Variants in LNX1 observed in about 807,000 individuals in gnomAD.
LNX1 encodes E3 ubiquitin-protein ligase LNX.
A neutral mutation model predicts 68.4 loss-of-function variants in LNX1; 54 were observed. The ratio of observed to expected loss-of-function variants is 0.79; its 90% CI spans 0.63 to 0.99. LNX1 has a LOEUF of 0.99. LNX1 is among the 50% of genes least tolerant of loss of function. The pLI is 0.00. For missense variants in LNX1, 906 were observed against 926.4 expected, an observed-to-expected ratio of 0.98 and a Z score of 0.29; for synonymous variants, 336 against 350.0, an observed-to-expected ratio of 0.96 and a Z score of 0.45.
Position 53,460,383 on chromosome 4 carries a change from A to T in LNX1, c.*524T>A, listed in dbSNP as rs17657105. 0.13 allele frequency: 23,804 copies of T among 189,276 alleles called. 1,599 individuals are homozygous for T. The highest frequency in any genetic ancestry group is 0.15 in the Non-Finnish European group (13,445 of 90,360). The allele number at this position is 189,276 out of a possible 1,614,324, so 11.7% of individuals were successfully genotyped here. A position where few individuals can be genotyped will look rare whatever the true frequency, so the allele number is the denominator to read the frequency against. On this transcript the variant is annotated 3_prime_UTR_variant, in exon 11 of 11. Coordinates refer to ENST00000263925, the MANE Select transcript of LNX1 (RefSeq NM_001126328.3). ...AAATAACATGGTATTTGAAAGAATAAATTACTAGGATCTTTTAAATAGTGA... is the reference window on the plus strand; with the variant it reads ...AAATAACATGGTATTTGAAAGAATATATTACTAGGATCTTTTAAATAGTGA...
At chr4:53,479,115 G>A (rs1723753396) in intron 7 of LNX1, among the ~76,000 whole-genome samples, 1 of 152,162 alleles carries the variant, frequency 6.6e-6, no homozygotes, top group Admixed American at 6.5e-5. Context: ...GCTCAGGCTG[G>A]TCTGGAACTC....
At chr4:53,626,185 G>A (rs1648181523) in intron 1 of LNX1, among the ~76,000 whole-genome samples, 1 of 152,162 alleles carries the variant, frequency 6.6e-6, no homozygotes, top group African/African-American at 2.4e-5. Context: ...GTCCAGAATA[G>A]GAAAATCTAT....
intron 2 of LNX1, among the ~76,000 whole-genome samples, chr4:53,556,270 G>GC (rs1465419196): frequency 1.1e-4 from 17 of 152,028 alleles, no homozygotes; most frequent in South Asian, 2.1e-4. Context: ...AACACCTGCA[G>GC]CACCCCCCTC....
chr4:53,574,863 GT>G (rs1731385926), intron 1 of LNX1, among the ~76,000 whole-genome samples: 1 of 152,288 alleles, frequency 6.6e-6, no homozygotes, highest in Admixed American at 6.5e-5. Context: ...ACATGTATTT[GT>G]TACTGAATTC....
chr4:53,461,145 T>C (rs1722016859), intron 10 of LNX1, 103 bp from the exon 11 acceptor site: 1 of 915,014 alleles, frequency 1.1e-6, no homozygotes, highest in Non-Finnish European at 1.6e-6. Flanking sequence ...ATCTGACCAT[T>C]TTAATTATGT....
chr4:53,565,908 A>G (rs1730647118), intron 2 of LNX1, among the ~76,000 whole-genome samples: 2 of 152,202 alleles, frequency 1.3e-5, no homozygotes, highest in Non-Finnish European at 1.5e-5. Context: ...GCAATGGAAG[A>G]TGAAATGAAT....
chr4:53,524,243 A>G (rs1727454370), intron 2 of LNX1: 1 of 152,200 alleles, frequency 6.6e-6, no homozygotes, highest in African/African-American at 2.4e-5. Context: ...TATCTTGTCA[A>G]AACTGTGGTG....
chr4:53,626,296 A>T (rs1041780445), intron 1 of LNX1, among the ~76,000 whole-genome samples: 1 of 152,200 alleles, frequency 6.6e-6, no homozygotes, highest in African/African-American at 2.4e-5. Context: ...GGGTCATAAA[A>T]ATGTTCTGAA....
intron 2 of LNX1, among the ~76,000 whole-genome samples, chr4:53,535,923 T>C (rs1171638257): frequency 6.6e-6 from 1 of 152,178 alleles, no homozygotes; most frequent in Non-Finnish European, 1.5e-5. Context: ...ATTTTACCGA[T>C]GGGGAAGCTC....
chr4:53,485,634 C>CTTCG (rs1724234133), intron 6 of LNX1, among the ~76,000 whole-genome samples: 1 of 152,316 alleles, frequency 6.6e-6, no homozygotes, highest in African/African-American at 2.4e-5. Context: ...CACAGGAAGA[C>CTTCG]TTTGATGTAC....
chr4:53,502,400 A>G (rs564711269), intron 4 of LNX1, among the ~76,000 whole-genome samples: 1 of 152,348 alleles, frequency 6.6e-6, no homozygotes, highest in Admixed American at 6.5e-5. Context: ...ACTCTAGTCT[A>G]TCAAGTGTAC....
chr4:53,513,974 C>T (rs1726553743), intron 2 of LNX1, among the ~76,000 whole-genome samples: 1 of 152,224 alleles, frequency 6.6e-6, no homozygotes, highest in Non-Finnish European at 1.5e-5. Flanking sequence ...AACTTGCCCA[C>T]CATGTTCCTA....
At chr4:53,602,587 G>C (rs574200429) in intron 2 of LNX1, among the ~76,000 whole-genome samples, 1 of 152,300 alleles carries the variant, frequency 6.6e-6, no homozygotes, top group African/African-American at 2.4e-5. Flanking sequence ...TCCTATAATG[G>C]GCGGTCTGTG....
chr4:53,501,193 T>G (rs1462629821), intron 4 of LNX1, among the ~76,000 whole-genome samples: 1 of 152,116 alleles, frequency 6.6e-6, no homozygotes, highest in Non-Finnish European at 1.5e-5. Flanking sequence ...AGCTGAGAGT[T>G]TGTTATATGC....
At chr4:53,572,082 T>C (rs1205017035) in intron 2 of LNX1, among the ~76,000 whole-genome samples, 4 of 152,166 alleles carry the variant, frequency 2.6e-5, no homozygotes, top group Non-Finnish European at 5.9e-5. Flanking sequence ...AGAGGAGCTC[T>C]TTCTCCTCCT....
intron 2 of LNX1, among the ~76,000 whole-genome samples, chr4:53,562,909 A>G (rs568562332): frequency 6.6e-6 from 1 of 152,300 alleles, no homozygotes; most frequent in East Asian, 1.9e-4. Flanking sequence ...TGTATTTGTC[A>G]ATTAAAAAAA....
At chr4:53,598,729 T>C (rs1732866839) in intron 2 of LNX1, among the ~76,000 whole-genome samples, 1 of 152,240 alleles carries the variant, frequency 6.6e-6, no homozygotes, top group African/African-American at 2.4e-5. Flanking sequence ...GTTGTTAAGT[T>C]ACATCTTGAG....
At chr4:53,569,508 C>T (rs1577730423) in intron 2 of LNX1, among the ~76,000 whole-genome samples, 2 of 122,624 alleles carry the variant, frequency 1.6e-5, no homozygotes, top group Non-Finnish European at 3.4e-5. Context: ...ATACAAAAAT[C>T]AATTCAAGAT....
intron 2 of LNX1, among the ~76,000 whole-genome samples, chr4:53,513,356 G>C (rs1032716828): frequency 6.6e-6 from 1 of 152,062 alleles, no homozygotes; most frequent in African/African-American, 2.4e-5. Flanking sequence ...ATGGACAGTA[G>C]AAGGGAGAAA....
Sources: allele counts gnomAD v4.1 joint callset (sites outside exome capture counted in the v4.1 genomes callset), GRCh38; gene constraint gnomAD v4.1.1; transcripts MANE v1.5; gene names NCBI Gene and HGNC (gene_info 2026-07-23, HGNC 2026-07-21).